Variants in ZMAT4 observed in about 807,000 individuals in gnomAD.
ZMAT4 encodes the protein zinc finger matrin-type 4, also known as zinc finger matrin-type protein 4.
In ZMAT4, 17 loss-of-function variants were observed where a neutral mutation model predicts 28.7. The observed-to-expected ratio is 0.59, with a 90% CI of 0.41 to 0.89. ZMAT4 has a LOEUF of 0.89. Among genes scored for constraint, ZMAT4 ranks in the 40% least tolerant of loss-of-function variants. ZMAT4 has a pLI of 0.00. For synonymous variants in ZMAT4, 117 were observed against 109.2 expected, an observed-to-expected ratio of 1.07 and a Z score of -0.44; for missense variants, 240 against 283.8, an observed-to-expected ratio of 0.85 and a Z score of 1.11.
intron 1 of ZMAT4, among the ~76,000 whole-genome samples, chr8:40,889,785 T>A (rs1818602066): frequency 1.3e-5 from 2 of 152,256 alleles, no homozygotes; most frequent in Non-Finnish European, 2.9e-5. Context: ...CAATGTTTGC[T>A]GTAATGAATA....
At position 40,791,653 on chromosome 8, in the gene ZMAT4, A is replaced by C. The variant is rs77812516; in HGVS notation, c.103-23923T>G. Among the ~76,000 whole-genome samples, 373 of 152,320 alleles carry C rather than the reference A, an allele frequency of 2.4e-3. 7 individuals are homozygous for C. In the East Asian group the frequency reaches 0.042, roughly 17 times the overall value. On this transcript the variant is annotated intron_variant, in intron 2 of 6. Transcript: ENST00000297737. ...GGGCAGGGAATAGTCCGAATTGCTCACTGCTAGATCTCCAGAACTCAGAAC... is the reference window on the plus strand; with the variant it reads ...GGGCAGGGAATAGTCCGAATTGCTCCCTGCTAGATCTCCAGAACTCAGAAC...
intron 3 of ZMAT4, among the ~76,000 whole-genome samples, chr8:40,734,068 C>G (rs1413163921): frequency 1.3e-5 from 2 of 152,128 alleles, no homozygotes; most frequent in Non-Finnish European, 2.9e-5. Context: ...AGGATTTTAA[C>G]CATTAGTGGT....
chr8:40,765,338 C>T (rs182462699), intron 3 of ZMAT4, among the ~76,000 whole-genome samples: 52 of 152,252 alleles, frequency 3.4e-4, no homozygotes, highest in Admixed American at 2.2e-3. Flanking sequence ...GTGACTTCCA[C>T]GCTGTGTCCA....
intron 3 of ZMAT4, among the ~76,000 whole-genome samples, chr8:40,746,929 C>T (rs1223508535): frequency 6.6e-6 from 1 of 152,130 alleles, no homozygotes; most frequent in African/African-American, 2.4e-5. Flanking sequence ...CTTCAGATGC[C>T]ACTCAGAATC....
chr8:40,778,303 T>C (rs1286273027), intron 2 of ZMAT4, among the ~76,000 whole-genome samples: 5 of 152,216 alleles, frequency 3.3e-5, no homozygotes, highest in Admixed American at 3.3e-4. Context: ...ATACATAACA[T>C]TTATAACCTG....
intron 5 of ZMAT4, among the ~76,000 whole-genome samples, chr8:40,629,599 T>C (rs1227316913): frequency 1.4e-5 from 2 of 138,922 alleles, no homozygotes; most frequent in Admixed American, 7.6e-5. Flanking sequence ...ATGTTCCTCT[T>C]CCTGTGTCCA....
intron 1 of ZMAT4, among the ~76,000 whole-genome samples, chr8:40,828,124 G>T (rs1425627922): frequency 6.6e-6 from 1 of 152,198 alleles, no homozygotes; most frequent in Non-Finnish European, 1.5e-5. Flanking sequence ...GCCAATTCCA[G>T]TGCCAACCCA....
intron 5 of ZMAT4, among the ~76,000 whole-genome samples, chr8:40,582,230 A>G (rs931307192): frequency 3.3e-5 from 5 of 152,302 alleles, no homozygotes; most frequent in Middle Eastern, 3.4e-3. Context: ...TGAATAAGAT[A>G]TTACAATGGC....
intron 2 of ZMAT4, among the ~76,000 whole-genome samples, chr8:40,798,162 T>C (rs1333523074): frequency 2.6e-5 from 4 of 152,224 alleles, no homozygotes; most frequent in African/African-American, 7.2e-5. Context: ...CTGCATCTCC[T>C]TGTGATCTAG....
chr8:40,660,063 C>T (rs1199570863), intron 5 of ZMAT4, among the ~76,000 whole-genome samples: 1 of 152,204 alleles, frequency 6.6e-6, no homozygotes, highest in Non-Finnish European at 1.5e-5. Context: ...TACCATGCCA[C>T]TGGCCCATTA....
At chr8:40,672,649 G>T (rs1274689835) in intron 5 of ZMAT4, among the ~76,000 whole-genome samples, 1 of 152,190 alleles carries the variant, frequency 6.6e-6, no homozygotes, top group Non-Finnish European at 1.5e-5. Flanking sequence ...TAGACAGGAA[G>T]AATGTGCTGT....
intron 1 of ZMAT4, among the ~76,000 whole-genome samples, chr8:40,883,639 T>C (rs111768865): frequency 2.0e-5 from 3 of 152,178 alleles, no homozygotes; most frequent in Non-Finnish European, 2.9e-5. Context: ...CATAGGAAGA[T>C]ACTTTTAAAA....
chr8:40,571,924 G>A (rs1034064803), intron 6 of ZMAT4, among the ~76,000 whole-genome samples: 1 of 152,000 alleles, frequency 6.6e-6, no homozygotes, highest in South Asian at 2.1e-4. Flanking sequence ...GAAGTCTCAG[G>A]TTTCTTGGTT....
At chr8:40,867,273 A>G (rs1038203147) in intron 1 of ZMAT4, among the ~76,000 whole-genome samples, 1 of 152,118 alleles carries the variant, frequency 6.6e-6, no homozygotes, top group Non-Finnish European at 1.5e-5. Context: ...TATATATATC[A>G]TAATATTCTA....
intron 3 of ZMAT4, among the ~76,000 whole-genome samples, chr8:40,712,383 A>G (rs1308768154): frequency 1.3e-5 from 2 of 152,262 alleles, no homozygotes; most frequent in Non-Finnish European, 2.9e-5. Context: ...CATGGAGGAT[A>G]TCTCCACTGT....
intron 1 of ZMAT4, among the ~76,000 whole-genome samples, chr8:40,864,222 G>A (rs1295986396): frequency 2.0e-5 from 3 of 152,234 alleles, no homozygotes; most frequent in Admixed American, 1.3e-4. Context: ...CCTGAGCCAC[G>A]AAAATCAGCA....
chr8:40,781,634 C>A (rs1432590870), intron 2 of ZMAT4, among the ~76,000 whole-genome samples: 3 of 148,004 alleles, frequency 2.0e-5, no homozygotes, highest in Non-Finnish European at 3.0e-5. Flanking sequence ...TAGTGGCGGG[C>A]GCCTGTAGTC....
At chr8:40,804,345 A>G (rs1298604972) in intron 2 of ZMAT4, among the ~76,000 whole-genome samples, 1 of 152,332 alleles carries the variant, frequency 6.6e-6, no homozygotes, top group East Asian at 1.9e-4. Flanking sequence ...CAGGGGATAC[A>G]TGAGAAATCT....
intron 5 of ZMAT4, among the ~76,000 whole-genome samples, chr8:40,670,834 C>T (rs1273721951): frequency 6.6e-6 from 1 of 152,044 alleles, no homozygotes; most frequent in Non-Finnish European, 1.5e-5. Context: ...TTTGGGAGGC[C>T]AAGGTGGGCA....
Sources: gnomAD v4.1 joint callset for allele counts (sites outside exome capture counted in the v4.1 genomes callset) on GRCh38, gnomAD v4.1.1 for gene constraint, MANE v1.5 for transcripts, NCBI Gene and HGNC (gene_info 2026-07-23, HGNC 2026-07-21) for gene names.